Variants in AGAP1 observed in about 807,000 individuals in gnomAD.
The protein encoded by AGAP1 is arf-GAP with GTPase, ANK repeat and PH domain-containing protein 1.
In AGAP1, 29 loss-of-function variants were observed where a neutral mutation model predicts 105.3. The ratio of observed to expected loss-of-function variants is 0.28; its 90% CI spans 0.21 to 0.38. The LOEUF (loss-of-function observed/expected upper bound fraction) is 0.38, where lower values mean the gene tolerates loss of function less well. Among genes scored for constraint, AGAP1 ranks in the 10% least tolerant of loss-of-function variants. AGAP1 has a pLI of 1.00. For missense variants in AGAP1, 998 were observed against 1,165.1 expected (o/e 0.86, Z 2.09); for synonymous variants, 509 against 485.9 (o/e 1.05, Z -0.63).
intron 1 of AGAP1, among the ~76,000 whole-genome samples, chr2:235,607,964 G>T (rs1460594084): frequency 6.6e-6 from 1 of 152,302 alleles, no homozygotes; most frequent in Admixed American, 6.5e-5. Flanking sequence ...CTAGATCTTC[G>T]AGTTTTGACT....
At position 236,001,346 on chromosome 2, in the gene AGAP1, G is replaced by T. The variant is rs976213850; in HGVS notation, c.1645+32723G>T. On this transcript the variant is annotated intron_variant, in intron 13 of 17. Transcript: ENST00000304032. This position sits in a 1 kb window ranked among gnomAD's most constrained non-coding sequence, Gnocchi z 4.7. ...GCCACCCAGCGTGCGGTGCATTGTG[G>T]CAGGTGCAGGCCGCTAGTGCCCCCC... is the stretch of plus-strand genomic sequence containing the variant. Among the ~76,000 whole-genome samples, 2 of 152,210 alleles carry T rather than the reference G, an allele frequency of 1.3e-5. No homozygotes were observed. Among genetic ancestry groups the T allele is most frequent in the Non-Finnish European group, 2.9e-5 (2 of 68,040 alleles).
At position 235,686,620 on chromosome 2, in the gene AGAP1, G is replaced by GATAT. The variant is rs1194270184; in HGVS notation, c.164-22537_164-22534dup. 1.4e-3 allele frequency among the ~76,000 whole-genome samples: 82 copies of GATAT among 57,234 alleles called. 1 individual carries two copies. The highest frequency in any genetic ancestry group is 5.9e-3 in the South Asian group (17 of 2,868). 37.5% of individuals were successfully genotyped at this position (57,234 alleles called of 152,430 possible). On this transcript the variant is annotated intron_variant, in intron 1 of 17. Transcript: ENST00000304032. ...GTGTATATATATACGTGGAGATATA[G>GATAT]ATATATATATATATATATATATATA... is the stretch of plus-strand genomic sequence containing the variant.
At chr2:235,688,026 A>G (rs1026258419) in intron 1 of AGAP1, among the ~76,000 whole-genome samples, 2 of 148,244 alleles carry the variant, frequency 1.3e-5, no homozygotes, top group African/African-American at 2.5e-5. Flanking sequence ...CTCAGCCTCC[A>G]GAGTAGCTGG....
chr2:235,573,381 G>C (rs1237580244), intron 1 of AGAP1, among the ~76,000 whole-genome samples: 1 of 152,036 alleles, frequency 6.6e-6, no homozygotes, highest in East Asian at 1.9e-4. Flanking sequence ...CCCGGCTGCT[G>C]CTCCATCTTT....
chr2:236,094,340 G>A (rs2059139847), intron 16 of AGAP1, among the ~76,000 whole-genome samples: 1 of 149,612 alleles, frequency 6.7e-6, no homozygotes, highest in Non-Finnish European at 1.5e-5. Context: ...GGCCTATGAA[G>A]TTGCCAAAAG....
At chr2:236,075,015 T>C (rs1273327692) in intron 16 of AGAP1, among the ~76,000 whole-genome samples, 1 of 152,162 alleles carries the variant, frequency 6.6e-6, no homozygotes. Flanking sequence ...ATCACTCCAC[T>C]GCACTCCAGC....
At chr2:236,077,244 C>G (rs947570762) in intron 16 of AGAP1, among the ~76,000 whole-genome samples, 2 of 148,978 alleles carry the variant, frequency 1.3e-5, no homozygotes, top group South Asian at 4.2e-4. Context: ...TGAAAAGAAA[C>G]AGTGCTTTAA....
At position 235,906,570 on chromosome 2, in the gene AGAP1, G is replaced by A. The variant is rs114591684; in HGVS notation, c.1156-2168G>A. 5.0e-3 allele frequency among the ~76,000 whole-genome samples: 758 copies of A among 152,198 alleles called. 7 individuals are homozygous for A. Among genetic ancestry groups the A allele is most frequent in the African/African-American group, 0.017 (704 of 41,524 alleles). Reference sequence around the variant, plus strand: ...AGGTTCTCCTCCCGCCCGTCCTGCCGTTGAGAATTCCTGCACCCTTTTCCC... The same window carrying A: ...AGGTTCTCCTCCCGCCCGTCCTGCCATTGAGAATTCCTGCACCCTTTTCCC... On this transcript the variant is annotated intron_variant, in intron 10 of 17. Coordinates refer to ENST00000304032, the MANE Select transcript of AGAP1 (RefSeq NM_001037131.3). The surrounding 1 kb of genome is among the most constrained non-coding windows in gnomAD (Gnocchi z 5.3).
Position 235,931,848 on chromosome 2 carries a change from A to G in AGAP1, c.1483+925A>G, listed in dbSNP as rs2052735897. 6.6e-6 allele frequency among the ~76,000 whole-genome samples: 1 copy of G among 152,074 alleles called. No individual in the cohort carries two copies. Among genetic ancestry groups the G allele is most frequent in the African/African-American group, 2.4e-5 (1 of 41,412 alleles). ...AAACCAAGCCGGGAGACGCGGAGTC[A>G]GCGAGGTAGCTCCACACCATAGCGG... On this transcript the variant is annotated intron_variant, in intron 12 of 17. Coordinates refer to ENST00000304032, the MANE Select transcript of AGAP1 (RefSeq NM_001037131.3). The surrounding 1 kb of genome is among the most constrained non-coding windows in gnomAD (Gnocchi z 5.6).
rs767359667 is a variant in AGAP1, at chr2:235,962,744, A to G, written c.1484-5718A>G. On this transcript the variant is annotated intron_variant, in intron 12 of 17. Transcript: ENST00000304032. The surrounding 1 kb of genome is among the most constrained non-coding windows in gnomAD (Gnocchi z 5.3). ...AGGTGTGTGCGAGAGGTTGAAAACT[A>G]GAAGCTCTGGTTGAAATTCCATGGG... Among the ~76,000 whole-genome samples, 2 of 152,330 alleles carry G rather than the reference A, an allele frequency of 1.3e-5. No individual in the cohort carries two copies. The highest frequency in any genetic ancestry group is 3.4e-3 in the Middle Eastern group (1 of 294).
At chr2:235,924,473 C>A (rs534341252) in intron 11 of AGAP1, among the ~76,000 whole-genome samples, 1 of 152,176 alleles carries the variant, frequency 6.6e-6, no homozygotes, top group African/African-American at 2.4e-5. Context: ...CAGTTCCATG[C>A]GGCTGCTCGG....
rs1046081374 is a variant in AGAP1 at position 235,960,719 on chromosome 2, G to C, written c.1484-7743G>C. On this transcript the variant is annotated intron_variant, in intron 12 of 17. Transcript: ENST00000304032. The surrounding 1 kb of genome is among the most constrained non-coding windows in gnomAD (Gnocchi z 4.9). ...CTAGAAATCAGCCCCGTGGGACAGG[G>C]GTCTTGCCCTTTATTCTCTGACAGC... Among the ~76,000 whole-genome samples the C allele has an allele frequency of 6.6e-6, 1 of 152,196 alleles. No homozygotes were observed. The highest frequency in any genetic ancestry group is 1.5e-5 in the Non-Finnish European group (1 of 68,032).
At chr2:235,915,978 AAC>A (rs1559642829) in intron 11 of AGAP1, among the ~76,000 whole-genome samples, 1 of 152,212 alleles carries the variant, frequency 6.6e-6, no homozygotes, top group East Asian at 1.9e-4. Context: ...TCTCAAGAGC[AAC>A]ATGCATTCTT....
At chr2:235,763,270 T>G (rs1954622648) in intron 6 of AGAP1, among the ~76,000 whole-genome samples, 1 of 152,000 alleles carries the variant, frequency 6.6e-6, no homozygotes, top group Admixed American at 6.6e-5. Context: ...AGGTTTTCAG[T>G]TTAGGGATGC....
In AGAP1 at chr2:235,934,309, T is replaced by G. The variant is rs2052879656; in HGVS notation, c.1483+3386T>G. Among the ~76,000 whole-genome samples the G allele has an allele frequency of 6.6e-6, 1 of 152,216 alleles. No homozygotes were observed. Among genetic ancestry groups the G allele is most frequent in the South Asian group, 2.1e-4 (1 of 4,828 alleles). On this transcript the variant is annotated intron_variant, in intron 12 of 17. Transcript: ENST00000304032. This position sits in a 1 kb window ranked among gnomAD's most constrained non-coding sequence, Gnocchi z 4.9. ...CCCAAAGCCTGGTCCACGGACCAAG[T>G]GGCATTTGACAGCTCCGGGGATTTG...
In AGAP1 at chr2:235,891,581, C is replaced by G. The variant is rs1043129091; in HGVS notation, c.1155+8132C>G. Among the ~76,000 whole-genome samples, 5 of 152,114 alleles carry G rather than the reference C, an allele frequency of 3.3e-5. No individual in the cohort carries two copies. The highest frequency in any genetic ancestry group is 7.4e-5 in the Non-Finnish European group (5 of 68,016). ...GGGCTTCACAGTTCAGCGTGGCCACCTATTCATCTTCCATGTCGCAAGCAC... is the reference window on the plus strand; with the variant it reads ...GGGCTTCACAGTTCAGCGTGGCCACGTATTCATCTTCCATGTCGCAAGCAC... On this transcript the variant is annotated intron_variant, in intron 10 of 17. Transcript: ENST00000304032. The surrounding 1 kb of genome is among the most constrained non-coding windows in gnomAD (Gnocchi z 4.2).
rs1026715964 is a variant in AGAP1 at position 236,082,922 on chromosome 2, G to A, written c.2114+33641G>A. ...TGTAATCCCAGCACTCTGGGAGGCC[G>A]AGGTGGCCGGATCACCTGAGGTCAG... On this transcript the variant is annotated intron_variant, in intron 16 of 17. Coordinates refer to ENST00000304032, the MANE Select transcript of AGAP1 (RefSeq NM_001037131.3). This position sits in a 1 kb window ranked among gnomAD's most constrained non-coding sequence, Gnocchi z 4.2. Among the ~76,000 whole-genome samples, 10 of 151,698 alleles carry A rather than the reference G, an allele frequency of 6.6e-5. No individual in the cohort carries two copies. The highest frequency in any genetic ancestry group is 9.7e-5 in the African/African-American group (4 of 41,286).
intron 9 of AGAP1, among the ~76,000 whole-genome samples, chr2:235,813,481 C>T (rs79881469): frequency 0.014 from 2,132 of 152,328 alleles, 19 homozygotes; most frequent in East Asian, 0.02. Flanking sequence ...GCTGGTGAAA[C>T]AGGAAAAGTT....
chr2:235,987,044 A>G (rs2055341604), intron 13 of AGAP1, among the ~76,000 whole-genome samples: 1 of 152,152 alleles, frequency 6.6e-6, no homozygotes, highest in Non-Finnish European at 1.5e-5. Context: ...TTCAAAAGGA[A>G]TGATACCAGC....
Sources: gnomAD v4.1 joint callset for allele counts (sites outside exome capture counted in the v4.1 genomes callset) on GRCh38, gnomAD v4.1.1 for gene constraint, Gnocchi (gnomAD v3.1) non-coding constraint, MANE v1.5 for transcripts, NCBI Gene and HGNC (gene_info 2026-07-23, HGNC 2026-07-21) for gene names.